UBN1: variants seen among roughly 807,000 people sequenced by gnomAD.
UBN1 encodes ubinuclein-1.
Under a neutral mutation model 108.5 loss-of-function variants are expected in UBN1, and 17 were observed. The observed-to-expected ratio is 0.16, with a 90% CI of 0.11 to 0.24. The LOEUF is 0.24. Ranked by LOEUF, UBN1 falls within the 10% of genes least tolerant of loss-of-function variation. UBN1 has a pLI of 1.00. For missense variants in UBN1, 1,595 were observed against 1,394.4 expected (o/e 1.14, Z -2.29); for synonymous variants, 726 against 564.2 (o/e 1.29, Z -4.07).
chr16:4,860,044 C>T, intron 6 of UBN1, 76 bp downstream of exon 6: 1 of 1,573,602 alleles, frequency 6.4e-7, no homozygotes, highest in South Asian at 1.2e-5. Context: ...GACTCACCTC[C>T]TCCCCACAGC....
Position 4,880,300 on chromosome 16 carries a change from G to T in UBN1, c.*168G>T. On this transcript the variant is annotated 3_prime_UTR_variant, in exon 18 of 18. Transcript: ENST00000262376. ...ACTTCTGATGTGCCTCCCATGGAGG[G>T]AGCCGGGCCCTTGCTGCTCAGGAGG... 1.4e-6 allele frequency: 1 copy of T among 727,686 alleles called. No individual in the cohort carries two copies. The highest frequency in any genetic ancestry group is 1.7e-5 in the South Asian group (1 of 58,532). 45.1% of individuals were successfully genotyped at this position (727,686 alleles called of 1,614,324 possible). A position where few individuals can be genotyped will look rare whatever the true frequency, so the allele number is the denominator to read the frequency against.
rs765650053 is a variant in UBN1, at chr16:4,874,923, A to G, written c.2513A>G (p.His838Arg). The change falls in exon 15 of 18, where the codon CAT becomes CGT. Residue 838 changes from histidine (H) to arginine (R), a missense_variant. His to Arg is a conservative substitution (Grantham distance 29, BLOSUM62 0). Transcript: ENST00000262376. ...CCAAAGGCTTCTCCCACACAGTGTC[A>G]TCGTTCCCTCCTGCAGTTAGTGAAG... ...QGPKASPTQC[H>R]RSLLQLVKTA... is the part of the protein sequence containing the mutation. The G allele has an allele frequency of 1.2e-6, 2 of 1,614,168 alleles. No homozygotes were observed. Among genetic ancestry groups the G allele is most frequent in the Non-Finnish European group, 1.7e-6 (2 of 1,180,030 alleles).
At position 4,857,519 on chromosome 16, in the gene UBN1, C is replaced by T. The variant is rs191146960; in HGVS notation, c.250-471C>T. On this transcript the variant is annotated intron_variant, in intron 2 of 17. Transcript: ENST00000262376. Reference sequence around the variant, plus strand: ...CACCGAGAGAAGTGCAAATTCAGACCTTTCTAAACAGTATGGCAGAACGGC... The same window carrying T: ...CACCGAGAGAAGTGCAAATTCAGACTTTTCTAAACAGTATGGCAGAACGGC... Among the ~76,000 whole-genome samples the T allele has an allele frequency of 4.6e-5, 7 of 151,874 alleles. No individual in the cohort carries two copies. In the East Asian group the frequency reaches 1.4e-3, roughly 29 times the overall value.
intron 4 of UBN1, 53 bp downstream of exon 4, chr16:4,858,716 C>G (rs1328324256): frequency 5.1e-6 from 8 of 1,558,750 alleles, no homozygotes; most frequent in African/African-American, 1.4e-5. Flanking sequence ...GTAGCTCCTC[C>G]TGATACTGAC....
In UBN1 at chr16:4,880,761, T is replaced by C. The variant is rs2088053520; in HGVS notation, c.*629T>C. ...AAAAGACCTTTGTAGATTCAACAAT[T>C]ATGATAGGATTTTTACAGACACCTA... On this transcript the variant is annotated 3_prime_UTR_variant, in exon 18 of 18. Transcript: ENST00000262376. 1.3e-5 allele frequency: 2 copies of C among 152,524 alleles called. No individual in the cohort carries two copies. The highest frequency in any genetic ancestry group is 4.8e-5 in the African/African-American group (2 of 41,426). The allele number at this position is 152,524 out of a possible 1,614,324, so 9.4% of individuals were successfully genotyped here. A position where few individuals can be genotyped will look rare whatever the true frequency, so the allele number is the denominator to read the frequency against.
rs191007074 is a variant in UBN1, at chr16:4,877,066, G to A, written c.3220G>A (p.Val1074Ile). Residue 1074 changes from valine (V) to isoleucine (I), a missense_variant, in exon 16 of 18, where the codon GTC becomes ATC. By Grantham distance (29) the Val-to-Ile change is conservative. Transcript: ENST00000262376. This position sits in a 1 kb window ranked among gnomAD's most constrained non-coding sequence, Gnocchi z 4.3. ...AKAGVSKDAI[V>I]TGPAPGSFHH... Reference sequence around the variant, plus strand: ...AGCAGGGGTCTCCAAGGATGCCATCGTCACAGGCCCTGCCCCCGGGTCCTT... The same window carrying A: ...AGCAGGGGTCTCCAAGGATGCCATCATCACAGGCCCTGCCCCCGGGTCCTT... 16 of 1,614,048 alleles carry A rather than the reference G, an allele frequency of 9.9e-6. No individual in the cohort carries two copies. Among genetic ancestry groups the A allele is most frequent in the African/African-American group, 4.0e-5 (3 of 75,056 alleles).
At chr16:4,870,078 A>T in intron 8 of UBN1, 134 bp from the exon 9 acceptor site, 1 of 1,304,638 alleles carries the variant, frequency 7.7e-7, no homozygotes. Context: ...TTGGGCATTC[A>T]GTTACATTGT....
At chr16:4,868,648 C>G (rs545373586) in intron 7 of UBN1, among the ~76,000 whole-genome samples, 185 bp from the exon 8 acceptor site, 1 of 152,298 alleles carries the variant, frequency 6.6e-6, no homozygotes, top group South Asian at 2.1e-4. Context: ...GCTGCAGCAG[C>G]ATTTGAAAAG....
chr16:4,865,176 A>G (rs1483910780), intron 7 of UBN1, among the ~76,000 whole-genome samples: 1 of 151,318 alleles, frequency 6.6e-6, no homozygotes, highest in East Asian at 1.9e-4. Flanking sequence ...TATCAGATAT[A>G]TATCCAATTG....
In UBN1 at chr16:4,877,522, C is replaced by T. The variant is rs376901829; in HGVS notation, c.3355+48C>T. 3.3e-5 allele frequency: 51 copies of T among 1,548,918 alleles called. No individual in the cohort carries two copies. In the East Asian group the frequency reaches 5.6e-4, roughly 17 times the overall value. On this transcript the variant is annotated intron_variant, in intron 17 of 17. Transcript: ENST00000262376. This position sits in a 1 kb window ranked among gnomAD's most constrained non-coding sequence, Gnocchi z 4.3. ...GCCACGCGCACCGTGTGCCTTTGCC[C>T]TCTCCACCCCTAGGTGCTTTGCCGC...
intron 17 of UBN1, among the ~76,000 whole-genome samples, chr16:4,879,760 G>A (rs1340543066): frequency 6.6e-6 from 1 of 152,230 alleles, no homozygotes; most frequent in East Asian, 1.9e-4. Context: ...TGAGTTCTGT[G>A]TGATCGTCAG....
Position 4,877,741 on chromosome 16 carries a change from G to C in UBN1, c.3355+267G>C. 18 of 1,181,976 alleles carry C rather than the reference G, an allele frequency of 1.5e-5. No individual in the cohort carries two copies. The highest frequency in any genetic ancestry group is 1.9e-5 in the Non-Finnish European group (18 of 957,450). The allele number at this position is 1,181,976 out of a possible 1,614,324, so 73.2% of individuals were successfully genotyped here. On this transcript the variant is annotated intron_variant, in intron 17 of 17. Transcript: ENST00000262376. The surrounding 1 kb of genome is among the most constrained non-coding windows in gnomAD (Gnocchi z 4.3). ...AAAGTTGCGGGGGGCAGGGTGGTGC[G>C]CTTTTGTGTGCGGTGGAGGAGTTCC...
chr16:4,862,229 C>T (rs549341066), intron 7 of UBN1, among the ~76,000 whole-genome samples: 3 of 152,142 alleles, frequency 2.0e-5, no homozygotes, highest in Non-Finnish European at 2.9e-5. Flanking sequence ...CCTATAATAT[C>T]CTTTGTGTTT....
chr16:4,875,018 A>G lies in UBN1; in HGVS notation c.2608A>G (p.Ser870Gly), dbSNP rs757243889. The change falls in exon 15 of 18, where the codon AGC becomes GGC. Residue 870 changes from serine (S) to glycine (G), a missense_variant. By Grantham distance (56) the Ser-to-Gly change is moderately conservative. Coordinates refer to ENST00000262376, the MANE Select transcript of UBN1 (RefSeq NM_001079514.3). Reference protein sequence around the residue: ...ATSGGLSASSSSSHKTPASSS... With the variant: ...ATSGGLSASSGSSHKTPASSS... ...CTCAGGAGGCCTGTCAGCCTCCAGC[A>G]GCAGCTCTCACAAGACCCCAGCCTC... The G allele has an allele frequency of 1.2e-6, 2 of 1,614,096 alleles. No homozygotes were observed. The highest frequency in any genetic ancestry group is 1.7e-6 in the Non-Finnish European group (2 of 1,180,038).
chr16:4,854,443 AAATGTTTCT>A (rs2086702265), intron 2 of UBN1, among the ~76,000 whole-genome samples: 2 of 150,348 alleles, frequency 1.3e-5, no homozygotes, highest in African/African-American at 4.9e-5. Flanking sequence ...TCCCAGGTTC[AAATGTTTCT>A]CCTGCCTCAG....
At chr16:4,857,268 C>T (rs573756527) in intron 2 of UBN1, among the ~76,000 whole-genome samples, 5 of 151,244 alleles carry the variant, frequency 3.3e-5, no homozygotes, top group East Asian at 1.9e-4. Context: ...GAGGATCACC[C>T]GAGCCTGGGG....
chr16:4,857,875 C>A (rs1230553750), intron 2 of UBN1, 115 bp from the exon 3 acceptor site: 12 of 742,656 alleles, frequency 1.6e-5, no homozygotes, highest in Non-Finnish European at 2.7e-5. Flanking sequence ...TTCTACCTTG[C>A]CCTTTTCTGG....
At chr16:4,865,408 C>T (rs913606124) in intron 7 of UBN1, among the ~76,000 whole-genome samples, 1 of 152,016 alleles carries the variant, frequency 6.6e-6, no homozygotes, top group Non-Finnish European at 1.5e-5. Flanking sequence ...TGGCAGGGCG[C>T]GGTGGCTCAT....
chr16:4,870,171 C>G (rs752285701), intron 8 of UBN1, 41 bp from the exon 9 acceptor site: 1 of 1,612,466 alleles, frequency 6.2e-7, no homozygotes, highest in Non-Finnish European at 8.5e-7. Context: ...ACAGGAGTTG[C>G]AGTGAGCTGC....
Sources: allele counts gnomAD v4.1 joint callset (sites outside exome capture counted in the v4.1 genomes callset), GRCh38; gene constraint gnomAD v4.1.1; non-coding constraint Gnocchi (gnomAD v3.1); transcripts MANE v1.5; gene names NCBI Gene and HGNC (gene_info 2026-07-23, HGNC 2026-07-21).